SND1: variants seen among roughly 807,000 people sequenced by gnomAD.
The protein encoded by SND1 is staphylococcal nuclease and tudor domain containing 1.
Under a neutral mutation model 121.7 loss-of-function variants are expected in SND1, and 38 were observed. The ratio of observed to expected loss-of-function variants is 0.31; its 90% CI spans 0.24 to 0.41. The LOEUF (loss-of-function observed/expected upper bound fraction) is 0.41. Among genes scored for constraint, SND1 ranks in the 10% least tolerant of loss-of-function variants. The probability of loss-of-function intolerance (pLI) is 1.00; values close to 1 mark genes in which losing one functional copy is unlikely to be tolerated. For synonymous variants in SND1, 401 were observed against 447.4 expected (o/e 0.90, Z 1.31); for missense variants, 868 against 1,184.6 (o/e 0.73, Z 3.92).
intron 14 of SND1, among the ~76,000 whole-genome samples, chr7:127,925,966 G>A (rs995784968): frequency 6.6e-6 from 1 of 151,518 alleles, no homozygotes; most frequent in East Asian, 1.9e-4. Flanking sequence ...ATTAACCCTG[G>A]AAATGTGTCT....
At chr7:127,932,691 C>A (rs1054460479) in intron 15 of SND1, among the ~76,000 whole-genome samples, 1 of 137,590 alleles carries the variant, frequency 7.3e-6, no homozygotes, top group African/African-American at 2.5e-5. Context: ...ACAGCCACCA[C>A]CTCCATCAGC....
intron 15 of SND1, among the ~76,000 whole-genome samples, chr7:127,957,430 G>C (rs1308739482): frequency 6.6e-6 from 1 of 152,156 alleles, no homozygotes; most frequent in Non-Finnish European, 1.5e-5. Context: ...TTGTTCTGCT[G>C]CTTCCACAAC....
intron 10 of SND1, among the ~76,000 whole-genome samples, chr7:127,792,131 TG>T (rs1242473902): frequency 3.9e-5 from 6 of 152,254 alleles, no homozygotes; most frequent in African/African-American, 1.4e-4. Flanking sequence ...TGTTACCAAT[TG>T]TTGAATCTTG....
chr7:128,076,945 C>T (rs1476390748), intron 17 of SND1, among the ~76,000 whole-genome samples: 1 of 152,200 alleles, frequency 6.6e-6, no homozygotes, highest in Non-Finnish European at 1.5e-5. Flanking sequence ...CGATAGGGCT[C>T]TCCACTTCCT....
chr7:128,001,280 T>A lies in SND1; in HGVS notation c.1779+10224T>A, dbSNP rs73455752. Among the ~76,000 whole-genome samples, 275 of 152,346 alleles carry A rather than the reference T, an allele frequency of 1.8e-3. 1 individual carries two copies. Among genetic ancestry groups the A allele is most frequent in the African/African-American group, 5.8e-3 (241 of 41,576 alleles). ...AGAAAGGAATAGCTCATTCTTAGTC[T>A]CTTCTTTAGGACATTTAAGGGCATC... On this transcript the variant is annotated intron_variant, in intron 16 of 23. Transcript: ENST00000354725.
chr7:127,896,082 A>G (rs1301287909), intron 13 of SND1, among the ~76,000 whole-genome samples: 1 of 152,116 alleles, frequency 6.6e-6, no homozygotes, highest in Non-Finnish European at 1.5e-5. Flanking sequence ...TTCTGTAATC[A>G]TTAGTCTACA....
intron 15 of SND1, among the ~76,000 whole-genome samples, chr7:127,969,808 T>C (rs1801942096): frequency 6.6e-6 from 1 of 152,226 alleles, no homozygotes; most frequent in Non-Finnish European, 1.5e-5. Flanking sequence ...CTTTACTGTA[T>C]TCATTTCACA....
intron 10 of SND1, among the ~76,000 whole-genome samples, chr7:127,729,746 G>A (rs1313442079): frequency 1.3e-5 from 2 of 152,144 alleles, no homozygotes; most frequent in Non-Finnish European, 2.9e-5. Flanking sequence ...ACTTTAGACT[G>A]GATGATGGAT....
intron 14 of SND1, among the ~76,000 whole-genome samples, chr7:127,922,189 T>G (rs1357409255): frequency 7.3e-5 from 7 of 95,454 alleles, no homozygotes; most frequent in South Asian, 4.3e-4. Context: ...TTTTTTTTTT[T>G]TTTTTTTTTT....
chr7:128,089,836 G>GTT, intron 22 of SND1, 144 bp downstream of exon 22: 1 of 747,530 alleles, frequency 1.3e-6, no homozygotes, highest in Non-Finnish European at 2.2e-6. Context: ...GTTTGTTGGT[G>GTT]TTTTTTTGTT....
chr7:127,825,490 C>T (rs1166554123), intron 11 of SND1, among the ~76,000 whole-genome samples: 1 of 151,842 alleles, frequency 6.6e-6, no homozygotes, highest in African/African-American at 2.4e-5. Context: ...TCACTACAAC[C>T]TCTGCCTCCC....
chr7:127,725,945 A>G (rs570280517), intron 10 of SND1, among the ~76,000 whole-genome samples: 1 of 152,222 alleles, frequency 6.6e-6, no homozygotes, highest in East Asian at 1.9e-4. Context: ...GGTTCTTTTA[A>G]TATTTTCTTC....
At chr7:127,710,174 C>T (rs1796273853) in intron 9 of SND1, among the ~76,000 whole-genome samples, 1 of 152,008 alleles carries the variant, frequency 6.6e-6, no homozygotes, top group Non-Finnish European at 1.5e-5. Flanking sequence ...AATTAAATGT[C>T]AGTATCGTAA....
At chr7:127,962,604 C>G (rs754045221) in intron 15 of SND1, among the ~76,000 whole-genome samples, 2 of 152,182 alleles carry the variant, frequency 1.3e-5, no homozygotes, top group African/African-American at 4.8e-5. Flanking sequence ...TTCTGGCTAG[C>G]ATATAAATCT....
At chr7:128,066,537 A>G (rs1464795388) in intron 16 of SND1, among the ~76,000 whole-genome samples, 1 of 151,868 alleles carries the variant, frequency 6.6e-6, no homozygotes, top group Non-Finnish European at 1.5e-5. Flanking sequence ...TAGCCAGCCC[A>G]CTCCCCACGG....
chr7:127,812,960 T>C (rs1226338855), intron 11 of SND1, among the ~76,000 whole-genome samples: 2 of 152,240 alleles, frequency 1.3e-5, no homozygotes, highest in East Asian at 3.8e-4. Flanking sequence ...TTAATTTGAT[T>C]CATTCATGCT....
Position 127,701,323 on chromosome 7 carries a change from G to C in SND1, c.589G>C (p.Ala197Pro). 6.2e-7 allele frequency: 1 copy of C among 1,613,614 alleles called. No individual in the cohort carries two copies. Among genetic ancestry groups the C allele is most frequent in the Non-Finnish European group, 8.5e-7 (1 of 1,179,748 alleles). ...CTCACACCACCAGAAGCCTGTTAAT[G>C]GTGAGGCTGGTGGGAACAGACAGAT... ...VDSHHQKPVN[A>P]IIEHVRDGSV... Residue 197 changes from alanine (A) to proline (P), a missense_variant and splice_region_variant, in exon 5 of 24, where the codon GCT becomes CCT. Physicochemically the swap from Ala to Pro is conservative, Grantham distance 27. Around this residue, in one of 2 missense-constraint regions of SND1, gnomAD observed 743 missense variants for 1,071.3 expected, o/e 0.69. Transcript: ENST00000354725.
intron 15 of SND1, among the ~76,000 whole-genome samples, chr7:127,969,818 A>C (rs1408696978): frequency 6.6e-6 from 1 of 152,240 alleles, no homozygotes; most frequent in Non-Finnish European, 1.5e-5. Context: ...TTCATTTCAC[A>C]TGTGAATTTT....
At chr7:127,916,681 TAGAG>T (rs749581230) in intron 14 of SND1, among the ~76,000 whole-genome samples, 5 of 152,120 alleles carry the variant, frequency 3.3e-5, no homozygotes, top group African/African-American at 4.8e-5. Context: ...TACAAATTAA[TAGAG>T]AGAGCTTCAC....
Sources: gnomAD v4.1 joint callset for allele counts (sites outside exome capture counted in the v4.1 genomes callset) on GRCh38, gnomAD v4.1.1 for gene constraint, gnomAD v4.1.1 regional missense constraint, MANE v1.5 for transcripts, NCBI Gene and HGNC (gene_info 2026-07-23, HGNC 2026-07-21) for gene names.